HMG20A: variants seen among roughly 807,000 people sequenced by gnomAD.
HMG20A encodes the protein high mobility group 20A.
In HMG20A, 17 loss-of-function variants were observed where a neutral mutation model predicts 43.9. The observed-to-expected ratio is 0.39, with a 90% CI of 0.27 to 0.58. HMG20A has a LOEUF of 0.58. Among genes scored for constraint, HMG20A ranks in the 20% least tolerant of loss-of-function variants. The pLI is 0.59. For missense variants in HMG20A, 341 were observed against 438.2 expected, an observed-to-expected ratio of 0.78 and a Z score of 1.98; for synonymous variants, 132 against 147.5, an observed-to-expected ratio of 0.89 and a Z score of 0.76.
chr15:77,463,445 C>T (rs1003782256), intron 2 of HMG20A, among the ~76,000 whole-genome samples: 9 of 152,076 alleles, frequency 5.9e-5, no homozygotes, highest in African/African-American at 2.4e-5. Flanking sequence ...ATCTTTCTAC[C>T]GCTCTTGACT....
intron 1 of HMG20A, among the ~76,000 whole-genome samples, chr15:77,430,423 A>T (rs1335618751): frequency 2.6e-5 from 4 of 152,240 alleles, no homozygotes; most frequent in African/African-American, 9.6e-5. Flanking sequence ...AATTAAAAAG[A>T]AAAGTGAAGG....
At chr15:77,510,595 C>T in the HMG20A span, among the ~76,000 whole-genome samples, 1 of 152,206 alleles carries the variant, frequency 6.6e-6, no homozygotes, top group South Asian at 2.1e-4. Flanking sequence ...AGGCCCAAGG[C>T]CCCAGCCTCC....
Position 77,432,942 on chromosome 15 carries a change from TAGAC to T in HMG20A, c.-5+11942_-5+11945del, listed in dbSNP as rs558031500. Reference sequence around the variant, plus strand: ...GGAAGATACTATGAACAACCTTACATAGACAGATTTGAAATTTTAGATGAAATGG... The same window carrying T: ...GGAAGATACTATGAACAACCTTACATAGATTTGAAATTTTAGATGAAATGG... On this transcript the variant is annotated intron_variant, in intron 1 of 9. Coordinates refer to ENST00000336216, the MANE Select transcript of HMG20A (RefSeq NM_001304504.2). 1.4e-3 allele frequency among the ~76,000 whole-genome samples: 214 copies of T among 152,256 alleles called. 2 individuals are homozygous for T. The highest frequency in any genetic ancestry group is 2.5e-3 in the Non-Finnish European group (173 of 68,014).
chr15:77,436,604 G>A (rs1464828553), intron 1 of HMG20A, among the ~76,000 whole-genome samples: 3 of 151,790 alleles, frequency 2.0e-5, no homozygotes, highest in African/African-American at 7.3e-5. Flanking sequence ...GGCCATGGGT[G>A]TGCACCACCA....
chr15:77,469,919 C>T (rs897017335), intron 4 of HMG20A, among the ~76,000 whole-genome samples: 21 of 152,188 alleles, frequency 1.4e-4, no homozygotes, highest in Non-Finnish European at 1.0e-4. Context: ...CCACCCACCT[C>T]GGTCTCCCAA....
intron 4 of HMG20A, among the ~76,000 whole-genome samples, chr15:77,470,665 T>G (rs1438257272): frequency 1.3e-5 from 2 of 152,194 alleles, no homozygotes; most frequent in African/African-American, 4.8e-5. Flanking sequence ...AGAACTTGTC[T>G]TCATTAGGTT....
intron 4 of HMG20A, among the ~76,000 whole-genome samples, chr15:77,467,871 A>T (rs1368108538): frequency 6.6e-6 from 1 of 152,242 alleles, no homozygotes; most frequent in Non-Finnish European, 1.5e-5. Flanking sequence ...GGAATTAAGG[A>T]CAAGATAGCC....
intron 8 of HMG20A, 65 bp downstream of exon 8, chr15:77,478,575 G>T (rs1235584016): frequency 3.3e-6 from 4 of 1,229,090 alleles, no homozygotes; most frequent in Non-Finnish European, 4.7e-6. Context: ...GTGGGGTGCT[G>T]TTTATGTTAG....
the HMG20A span, among the ~76,000 whole-genome samples, chr15:77,513,839 C>T: frequency 2.0e-5 from 3 of 151,902 alleles, no homozygotes; most frequent in Non-Finnish European, 4.4e-5. Flanking sequence ...GATTCTCCTG[C>T]CTCAGTCTCC....
chr15:77,450,544 C>G (rs2073725692), intron 1 of HMG20A, among the ~76,000 whole-genome samples: 1 of 152,190 alleles, frequency 6.6e-6, no homozygotes, highest in Admixed American at 6.5e-5. Context: ...CACCATTATT[C>G]CTGATTCAGA....
intron 1 of HMG20A, among the ~76,000 whole-genome samples, chr15:77,423,850 C>T (rs1247594781): frequency 1.3e-5 from 2 of 152,248 alleles, no homozygotes; most frequent in East Asian, 3.9e-4. Context: ...AAGAAAGTAT[C>T]TTAAGAACCT....
intron 1 of HMG20A, among the ~76,000 whole-genome samples, chr15:77,434,825 A>T (rs900944269): frequency 6.6e-6 from 1 of 152,088 alleles, no homozygotes; most frequent in African/African-American, 2.4e-5. Flanking sequence ...TTGGAAAACA[A>T]TTTGGCCGTA....
chr15:77,449,049 A>AAAAT (rs754560992), intron 1 of HMG20A, among the ~76,000 whole-genome samples: 16 of 152,100 alleles, frequency 1.1e-4, no homozygotes, highest in African/African-American at 3.6e-4. Context: ...GCTCGTCTCA[A>AAAAT]AAATAAATAA....
chr15:77,431,535 A>G (rs2073484661), intron 1 of HMG20A, among the ~76,000 whole-genome samples: 1 of 151,940 alleles, frequency 6.6e-6, no homozygotes, highest in African/African-American at 2.4e-5. Context: ...TTTTTAATTG[A>G]CAAAAATTAT....
intron 1 of HMG20A, among the ~76,000 whole-genome samples, chr15:77,448,191 C>T (rs2073696281): frequency 6.6e-6 from 1 of 152,162 alleles, no homozygotes; most frequent in South Asian, 2.1e-4. Context: ...TCCCTTTTCC[C>T]TCTCCACCTT....
At chr15:77,474,990 G>A (rs1314050578) in intron 6 of HMG20A, among the ~76,000 whole-genome samples, 3 of 152,144 alleles carry the variant, frequency 2.0e-5, no homozygotes, top group Admixed American at 2.0e-4. Context: ...AAGAGTTAGC[G>A]AGTATTACTC....
chr15:77,471,996 C>T (rs1336349248), intron 6 of HMG20A, among the ~76,000 whole-genome samples, 182 bp downstream of exon 6: 1 of 151,550 alleles, frequency 6.6e-6, no homozygotes, highest in Non-Finnish European at 1.5e-5. Flanking sequence ...CGTTGTGTGT[C>T]TGTCATTGAA....
chr15:77,511,846 T>C, the HMG20A span, among the ~76,000 whole-genome samples: 2 of 152,220 alleles, frequency 1.3e-5, no homozygotes, highest in African/African-American at 4.8e-5. Flanking sequence ...GAAAACCGTA[T>C]GGCAGATCCT....
intron 1 of HMG20A, among the ~76,000 whole-genome samples, chr15:77,457,233 T>G (rs1193706286): frequency 6.6e-6 from 1 of 152,228 alleles, no homozygotes; most frequent in Non-Finnish European, 1.5e-5. Context: ...TTTCTTCATA[T>G]TTCCACCTCA....
Sources: gnomAD v4.1 joint callset for allele counts (sites outside exome capture counted in the v4.1 genomes callset) on GRCh38, gnomAD v4.1.1 for gene constraint, MANE v1.5 for transcripts, NCBI Gene and HGNC (gene_info 2026-07-23, HGNC 2026-07-21) for gene names.